PPP1R3B: variants seen among roughly 807,000 people sequenced by gnomAD.
PPP1R3B encodes the protein protein phosphatase 1 regulatory subunit 3B.
In PPP1R3B, 8 loss-of-function variants were observed where a neutral mutation model predicts 14.6. The ratio of observed to expected loss-of-function variants is 0.55; its 90% CI spans 0.32 to 0.99. The LOEUF (loss-of-function observed/expected upper bound fraction) is 0.99, where lower values mean the gene tolerates loss of function less well. PPP1R3B is among the 50% of genes least tolerant of loss of function. The pLI, the probability that PPP1R3B is intolerant of heterozygous loss-of-function variation, is 0.04. For synonymous variants in PPP1R3B, 169 were observed against 142.0 expected (o/e 1.19, Z -1.35); for missense variants, 452 against 360.1 (o/e 1.26, Z -2.07).
chr8:9,147,628 C>T (rs114186560), intron 1 of PPP1R3B, among the ~76,000 whole-genome samples: 1 of 151,986 alleles, frequency 6.6e-6, no homozygotes, highest in Admixed American at 6.6e-5. Flanking sequence ...AGTTCTAATC[C>T]CGCAGGCTGA....
At chr8:9,151,311 C>G (rs868017433), upstream of PPP1R3B, 1 of 153,750 alleles carries the variant, frequency 6.5e-6, no homozygotes, top group African/African-American at 2.4e-5. Flanking sequence ...TGTCCCCAGC[C>G]CTTCCCTCGG....
At chr8:9,148,883 C>G (rs1227698460) in intron 1 of PPP1R3B, among the ~76,000 whole-genome samples, 1 of 152,200 alleles carries the variant, frequency 6.6e-6, no homozygotes, top group African/African-American at 2.4e-5. Context: ...CTCTCTCTTT[C>G]TTCTGGTAAG....
chr8:9,141,085 C>A lies in PPP1R3B; in HGVS notation c.567G>T (p.Arg189Ser). 1 of 1,614,074 alleles carries A rather than the reference C, an allele frequency of 6.2e-7. No individual in the cohort carries two copies. Among genetic ancestry groups the A allele is most frequent in the Non-Finnish European group, 8.5e-7 (1 of 1,180,044 alleles). Reference sequence around the variant, plus strand: ...AGCTGATGTCGAAGGAGAACGTGTCCCTGTCTGAACCGGCATAAGTGTCCT... The same window carrying A: ...AGCTGATGTCGAAGGAGAACGTGTCACTGTCTGAACCGGCATAAGTGTCCT... ...YVKDTYAGSD[R>S]DTFSFDISLP... Residue 189 changes from arginine (R) to serine (S), a missense_variant, in exon 2 of 2, where the codon AGG becomes AGT. Coordinates refer to ENST00000310455, the MANE Select transcript of PPP1R3B (RefSeq NM_024607.4).
At chr8:9,144,876 G>A (rs976876854) in intron 1 of PPP1R3B, among the ~76,000 whole-genome samples, 2 of 152,116 alleles carry the variant, frequency 1.3e-5, no homozygotes, top group Non-Finnish European at 2.9e-5. Context: ...CTTTCGAGTA[G>A]CTGGGATTAC....
rs780033739 is a variant in PPP1R3B at position 9,141,269 on chromosome 8, A to C, written c.383T>G (p.Leu128Arg). 6.2e-7 allele frequency: 1 copy of C among 1,614,074 alleles called. No individual in the cohort carries two copies. The highest frequency in any genetic ancestry group is 8.5e-7 in the Non-Finnish European group (1 of 1,180,048). The change falls in exon 2 of 2, where the codon CTT (leucine) becomes CGT (arginine). Residue 128 changes from leucine to arginine, a missense_variant. Coordinates refer to ENST00000310455, the MANE Select transcript of PPP1R3B (RefSeq NM_024607.4). ...CTCAAGGCAGACGTGGTCGGCCTGA[A>C]GTCGATTTCTAAAGTCTAAGTAATC... ...SADYLDFRNR[L>R]QADHVCLENC...
rs1310699258 is a variant in PPP1R3B, at chr8:9,141,298, A to T, written c.354T>A (p.Ser118=). The change falls in exon 2 of 2, where the codon TCT becomes TCA. Residue 118 remains serine (S), a synonymous_variant. Transcript: ENST00000310455. Reference sequence around the variant, plus strand: ...GATTTCTAAAGTCTAAGTAATCTGCAGAGGGCTGGGAAAAATCCAGAACAA... The same window carrying T: ...GATTTCTAAAGTCTAAGTAATCTGCTGAGGGCTGGGAAAAATCCAGAACAA... ...ESFVLDFSQP[S]ADYLDFRNRL... 1.2e-6 allele frequency: 2 copies of T among 1,614,158 alleles called. No individual in the cohort carries two copies. The highest frequency in any genetic ancestry group is 2.2e-5 in the South Asian group (2 of 91,082).
Position 9,140,531 on chromosome 8 carries a change from C to A in PPP1R3B, c.*263G>T. On this transcript the variant is annotated 3_prime_UTR_variant, in exon 2 of 2. Coordinates refer to ENST00000310455, the MANE Select transcript of PPP1R3B (RefSeq NM_024607.4). ...ATTCCCATCCATACCCTTTCCAGCA[C>A]AGACGTGCACAGACTCTCGTGGCTG... 1.9e-6 allele frequency: 1 copy of A among 518,160 alleles called. No individual in the cohort carries two copies. The highest frequency in any genetic ancestry group is 2.1e-5 in the African/African-American group (1 of 47,732). 32.1% of individuals were successfully genotyped at this position (518,160 alleles called of 1,614,324 possible). A position where few individuals can be genotyped will look rare whatever the true frequency, so the allele number is the denominator to read the frequency against.
chr8:9,139,390 A>G lies in PPP1R3B; in HGVS notation c.*1404T>C, dbSNP rs1325390144. 6.6e-6 allele frequency: 1 copy of G among 152,196 alleles called. No homozygotes were observed. The highest frequency in any genetic ancestry group is 1.5e-5 in the Non-Finnish European group (1 of 68,028). 9.4% of individuals were successfully genotyped at this position (152,196 alleles called of 1,614,324 possible). On this transcript the variant is annotated 3_prime_UTR_variant, in exon 2 of 2. Transcript: ENST00000310455. The stretch of plus-strand genomic sequence containing the variant: ...TACACACCATAAATAAGAACACCCA[A>G]GTCCATGTCCCTGGGTGCTGGTAAA...
intron 1 of PPP1R3B, among the ~76,000 whole-genome samples, chr8:9,144,371 T>C (rs1801171518): frequency 6.6e-6 from 1 of 152,000 alleles, no homozygotes; most frequent in Non-Finnish European, 1.5e-5. Flanking sequence ...AAAAATATTT[T>C]TTTGTAGAGA....
At chr8:9,143,704 TAA>T (rs1375109632) in intron 1 of PPP1R3B, among the ~76,000 whole-genome samples, 3 of 147,268 alleles carry the variant, frequency 2.0e-5, no homozygotes, top group African/African-American at 8.1e-5. Flanking sequence ...TCAAAAAAAA[TAA>T]AAATAAATAA....
At position 9,148,137 on chromosome 8, in the gene PPP1R3B, G is replaced by A. The variant is rs142037355; in HGVS notation, c.-18+2426C>T. ...CTGAACTGCTCAGGAACTCCCCAGCGGACTGTGACAGGGATGGCTGCCGCC... is the reference window on the plus strand; with the variant it reads ...CTGAACTGCTCAGGAACTCCCCAGCAGACTGTGACAGGGATGGCTGCCGCC... On this transcript the variant is annotated intron_variant, in intron 1 of 1. Coordinates refer to ENST00000310455, the MANE Select transcript of PPP1R3B (RefSeq NM_024607.4). Among the ~76,000 whole-genome samples the A allele has an allele frequency of 1.2e-3, 176 of 152,298 alleles. 1 individual carries two copies. The highest frequency in any genetic ancestry group is 4.0e-3 in the African/African-American group (165 of 41,568).
rs931893352 is a variant in PPP1R3B at position 9,140,601 on chromosome 8, G to C, written c.*193C>G. 1 of 634,626 alleles carries C rather than the reference G, an allele frequency of 1.6e-6. No individual in the cohort carries two copies. Among genetic ancestry groups the C allele is most frequent in the Non-Finnish European group, 2.7e-6 (1 of 375,362 alleles). 39.3% of individuals were successfully genotyped at this position (634,626 alleles called of 1,614,324 possible). On this transcript the variant is annotated 3_prime_UTR_variant, in exon 2 of 2. Coordinates refer to ENST00000310455, the MANE Select transcript of PPP1R3B (RefSeq NM_024607.4). ...CAGCCACCACTGCTCCTTTGAGTGA[G>C]ACACTGGTTGTGTAATCTGAACCTG...
rs960273368 is a variant in PPP1R3B at position 9,136,469 on chromosome 8, G to T, written c.*4325C>A. ...GAGTCCTTGGTTCTACATTCACACT[G>T]AAGTAATAGTGAAACATCATCACAG... On this transcript the variant is annotated 3_prime_UTR_variant, in exon 2 of 2. Transcript: ENST00000310455. 3 of 152,326 alleles carry T rather than the reference G, an allele frequency of 2.0e-5. No homozygotes were observed. Among genetic ancestry groups the T allele is most frequent in the African/African-American group, 4.8e-5 (2 of 41,568 alleles). The allele number at this position is 152,326 out of a possible 1,614,324, so 9.4% of individuals were successfully genotyped here. A position where few individuals can be genotyped will look rare whatever the true frequency, so the allele number is the denominator to read the frequency against.
Position 9,139,574 on chromosome 8 carries a change from A to G in PPP1R3B, c.*1220T>C, listed in dbSNP as rs542029030. 1 of 152,236 alleles carries G rather than the reference A, an allele frequency of 6.6e-6. No homozygotes were observed. The highest frequency in any genetic ancestry group is 1.9e-4 in the East Asian group (1 of 5,160). 9.4% of individuals were successfully genotyped at this position (152,236 alleles called of 1,614,324 possible). ...CTCTTTTTTTTTCTGTTTGAGACGG[A>G]GTCTCGCTCTGCTGCCCAGGCGGGA... On this transcript the variant is annotated 3_prime_UTR_variant, in exon 2 of 2. Transcript: ENST00000310455.
intron 1 of PPP1R3B, among the ~76,000 whole-genome samples, chr8:9,147,311 A>T (rs1801271950): frequency 6.6e-6 from 1 of 152,040 alleles, no homozygotes; most frequent in Non-Finnish European, 1.5e-5. Context: ...TTGTTTTTAA[A>T]CAAGTACGAA....
intron 1 of PPP1R3B, among the ~76,000 whole-genome samples, chr8:9,149,645 C>T (rs1307308957): frequency 1.3e-5 from 2 of 152,326 alleles, no homozygotes; most frequent in African/African-American, 4.8e-5. Context: ...GGCCATCTAC[C>T]TCCCTCCAAC....
intron 1 of PPP1R3B, among the ~76,000 whole-genome samples, chr8:9,142,706 C>T (rs1235414739): frequency 2.6e-5 from 4 of 152,116 alleles, no homozygotes; most frequent in African/African-American, 9.7e-5. Context: ...CACCCCTGTA[C>T]TCTCTGTTTC....
chr8:9,149,756 A>G (rs1801360200), intron 1 of PPP1R3B, among the ~76,000 whole-genome samples: 3 of 152,226 alleles, frequency 2.0e-5, no homozygotes, highest in Non-Finnish European at 4.4e-5. Flanking sequence ...TCACAGCCTT[A>G]AAGGCTCCTT....
intron 1 of PPP1R3B, among the ~76,000 whole-genome samples, chr8:9,144,571 A>G (rs1260841394): frequency 6.6e-6 from 1 of 152,210 alleles, no homozygotes; most frequent in Non-Finnish European, 1.5e-5. Context: ...AATATCACAT[A>G]GAGACATTTA....
Sources: gnomAD v4.1 joint callset for allele counts (sites outside exome capture counted in the v4.1 genomes callset) on GRCh38, gnomAD v4.1.1 for gene constraint, MANE v1.5 for transcripts, NCBI Gene and HGNC (gene_info 2026-07-23, HGNC 2026-07-21) for gene names.